The following ZFHX3 variants were observed in gnomAD, a reference collection of about 807,000 sequenced individuals.
ZFHX3 encodes the protein zinc finger homeobox 3.
In ZFHX3, 42 loss-of-function variants were observed where a neutral mutation model predicts 279.1. The ratio of observed to expected loss-of-function variants is 0.15; its 90% CI spans 0.12 to 0.19. The LOEUF is 0.19. Ranked by LOEUF, ZFHX3 falls within the 10% of genes least tolerant of loss-of-function variation. ZFHX3 has a pLI of 1.00. For synonymous variants in ZFHX3, 2,293 were observed against 1,957.8 expected (o/e 1.17, Z -4.52); for missense variants, 4,981 against 4,754.0 (o/e 1.05, Z -1.40).
At chr16:73,467,542 A>G (rs2018594349) in intron 2 of ZFHX3, among the ~76,000 whole-genome samples, 1 of 152,236 alleles carries the variant, frequency 6.6e-6, no homozygotes, top group Admixed American at 6.5e-5. Flanking sequence ...TAAAAATAAA[A>G]GCTGGATTGA....
chr16:73,045,805 T>TGGGG (rs370846607), intron 1 of ZFHX3, among the ~76,000 whole-genome samples: 10 of 111,992 alleles, frequency 8.9e-5, no homozygotes, highest in African/African-American at 2.9e-4. Context: ...AAAAAAAAAG[T>TGGGG]GGGGGGGGGT....
At position 72,838,731 on chromosome 16, in the gene ZFHX3, A is replaced by C. The variant is rs117112062; in HGVS notation, c.3449-8872T>G. Among the ~76,000 whole-genome samples, 612 of 152,334 alleles carry C rather than the reference A, an allele frequency of 4.0e-3. 2 individuals are homozygous for C. In the Middle Eastern group the frequency reaches 0.041, roughly 10 times the overall value. ...GGTCAAGAGAGGAGAAAAAGGGAGG[A>C]AACGCCTAGAGCCAGTATTGCAACA... is the stretch of plus-strand genomic sequence containing the variant. On this transcript the variant is annotated intron_variant, in intron 4 of 9. Coordinates refer to ENST00000268489, the MANE Select transcript of ZFHX3 (RefSeq NM_006885.4).
intron 3 of ZFHX3, among the ~76,000 whole-genome samples, chr16:72,896,984 C>G (rs747256030): frequency 5.9e-5 from 9 of 152,248 alleles, no homozygotes; most frequent in Admixed American, 1.3e-4. Flanking sequence ...CAGGCACACA[C>G]GGCAACTCCA....
chr16:73,430,782 A>T (rs964391494), intron 3 of ZFHX3, among the ~76,000 whole-genome samples: 12 of 152,224 alleles, frequency 7.9e-5, no homozygotes, highest in African/African-American at 2.7e-4. Flanking sequence ...TGGCCAGTGC[A>T]TTGAACCAGG....
chr16:73,526,492 C>G (rs1026329188), intron 2 of ZFHX3, among the ~76,000 whole-genome samples: 1 of 152,100 alleles, frequency 6.6e-6, no homozygotes, highest in Non-Finnish European at 1.5e-5. Flanking sequence ...AGTTTTAAAA[C>G]CTATAAAATA....
At chr16:73,874,630 AT>A (rs2029894695) in intron 1 of ZFHX3, among the ~76,000 whole-genome samples, 2 of 152,112 alleles carry the variant, frequency 1.3e-5, no homozygotes, top group South Asian at 4.1e-4. Flanking sequence ...TAACACCCTA[AT>A]TTTTTACATT....
chr16:73,647,246 T>C (rs935038924), intron 2 of ZFHX3, among the ~76,000 whole-genome samples: 7 of 152,148 alleles, frequency 4.6e-5, no homozygotes, highest in African/African-American at 7.2e-5. Context: ...TCTCCTGACC[T>C]TGTGATCTGC....
intron 7 of ZFHX3, among the ~76,000 whole-genome samples, chr16:73,107,957 C>T (rs534757099): frequency 1.6e-4 from 25 of 152,158 alleles, no homozygotes; most frequent in African/African-American, 5.5e-4. Context: ...GTCAGGAGAT[C>T]GAGACCATCT....
intron 1 of ZFHX3, among the ~76,000 whole-genome samples, chr16:73,764,285 C>A (rs1329808562): frequency 6.6e-6 from 1 of 152,168 alleles, no homozygotes; most frequent in African/African-American, 2.4e-5. Flanking sequence ...CTGCCTTCAA[C>A]CTCAAATCAG....
Position 73,111,223 on chromosome 16 carries a change from G to A in ZFHX3, c.-896-17625C>T, listed in dbSNP as rs188146231. On this transcript the variant is annotated intron_variant, in intron 7 of 17. Coordinates refer to the ZFHX3 transcript ENST00000641206. ...TCCAAAGAGTTGGGATTACAGGCGT[G>A]AGCCACTGCACCCGGCCAGCATTTT... is the stretch of plus-strand genomic sequence containing the variant. Among the ~76,000 whole-genome samples the A allele has an allele frequency of 3.6e-3, 555 of 152,332 alleles. 7 individuals are homozygous for A. Among genetic ancestry groups the A allele is most frequent in the Non-Finnish European group, 1.3e-3 (86 of 68,026 alleles).
chr16:73,850,400 T>C (rs1031848418), intron 1 of ZFHX3, among the ~76,000 whole-genome samples: 2 of 152,184 alleles, frequency 1.3e-5, no homozygotes, highest in Non-Finnish European at 2.9e-5. Context: ...TGGATTTTGG[T>C]GGGAAATCAA....
intron 5 of ZFHX3, among the ~76,000 whole-genome samples, chr16:73,165,095 T>G (rs1195634701): frequency 6.6e-6 from 1 of 152,212 alleles, no homozygotes; most frequent in Non-Finnish European, 1.5e-5. Flanking sequence ...CTCTTTGACA[T>G]GACGAGGTCA....
At chr16:73,747,124 C>T in intron 1 of ZFHX3, among the ~76,000 whole-genome samples, 1 of 152,196 alleles carries the variant, frequency 6.6e-6, no homozygotes, top group Non-Finnish European at 1.5e-5. Flanking sequence ...TGCAAGGGCT[C>T]ACACTTGTAA....
intron 1 of ZFHX3, among the ~76,000 whole-genome samples, chr16:73,035,464 A>C (rs1018454242): frequency 6.6e-6 from 1 of 152,350 alleles, no homozygotes; most frequent in Non-Finnish European, 1.5e-5. Flanking sequence ...CTAAAGCTAC[A>C]ATGTACTGGC....
At chr16:73,183,590 G>A (rs1597208420) in intron 5 of ZFHX3, among the ~76,000 whole-genome samples, 1 of 152,338 alleles carries the variant, frequency 6.6e-6, no homozygotes, top group East Asian at 1.9e-4. Flanking sequence ...ATCAGCCTCT[G>A]GAGATGGTTG....
intron 4 of ZFHX3, among the ~76,000 whole-genome samples, chr16:73,315,532 C>G (rs1166807812): frequency 6.6e-6 from 1 of 152,026 alleles, no homozygotes; most frequent in African/African-American, 2.4e-5. Context: ...GCTTATCTTT[C>G]ACATAATTTC....
Position 72,786,395 on chromosome 16 carries a change from CTT to C in ZFHX3, c.*767_*768del, listed in dbSNP as rs1375940731. On this transcript the variant is annotated 3_prime_UTR_variant, in exon 10 of 10. Transcript: ENST00000268489. The stretch of plus-strand genomic sequence containing the variant: ...TTTTAAGCTACAAGTCCTCAACACT[CTT>C]TGTGTGTGTGGGTTATTATTTTTTT... The C allele has an allele frequency of 2.0e-5, 3 of 151,088 alleles. No homozygotes were observed. The highest frequency in any genetic ancestry group is 2.9e-5 in the Non-Finnish European group (2 of 67,806). The allele number at this position is 151,088 out of a possible 1,614,324, so 9.4% of individuals were successfully genotyped here.
At chr16:73,143,888 G>T (rs750919535) in intron 5 of ZFHX3, 31 of 728,974 alleles carry the variant, frequency 4.3e-5, no homozygotes, top group South Asian at 2.6e-4. Flanking sequence ...GCAAACCTTC[G>T]CAGGCCAAGT....
intron 5 of ZFHX3, among the ~76,000 whole-genome samples, chr16:72,820,527 C>T (rs2143663739): frequency 6.6e-6 from 1 of 152,342 alleles, no homozygotes; most frequent in Non-Finnish European, 1.5e-5. Context: ...GTGAGCCCGG[C>T]TCATGCCAGG....
Sources: allele counts gnomAD v4.1 joint callset (sites outside exome capture counted in the v4.1 genomes callset), GRCh38; gene constraint gnomAD v4.1.1; transcripts MANE v1.5; gene names NCBI Gene and HGNC (gene_info 2026-07-23, HGNC 2026-07-21).